TAF4: variants seen among roughly 807,000 people sequenced by gnomAD.
TAF4 encodes TATA-box binding protein associated factor 4, also known as transcription initiation factor TFIID subunit 4.
In TAF4, 9 loss-of-function variants were observed where a neutral mutation model predicts 90.3. The observed-to-expected ratio is 0.10, with a 90% CI of 0.06 to 0.17. The LOEUF is 0.17. Ranked by LOEUF, TAF4 falls within the 10% of genes least tolerant of loss-of-function variation. TAF4 has a pLI of 1.00. For missense variants in TAF4, 1,351 were observed against 1,370.7 expected, an observed-to-expected ratio of 0.99 and a Z score of 0.23; for synonymous variants, 818 against 638.9, an observed-to-expected ratio of 1.28 and a Z score of -4.23.
intron 14 of TAF4, among the ~76,000 whole-genome samples, chr20:61,995,265 C>T (rs2055656450): frequency 6.6e-6 from 1 of 152,156 alleles, no homozygotes; most frequent in Non-Finnish European, 1.5e-5. Flanking sequence ...TTGACAAAAA[C>T]CTTATAAAAC....
chr20:61,975,667 G>C lies in TAF4; in HGVS notation c.*501C>G, dbSNP rs2055489190. The C allele has an allele frequency of 6.5e-6, 1 of 153,134 alleles. No individual in the cohort carries two copies. The highest frequency in any genetic ancestry group is 1.4e-5 in the Non-Finnish European group (1 of 69,642). The allele number at this position is 153,134 out of a possible 1,614,324, so 9.5% of individuals were successfully genotyped here. A position where few individuals can be genotyped will look rare whatever the true frequency, so the allele number is the denominator to read the frequency against. On this transcript the variant is annotated 3_prime_UTR_variant, in exon 15 of 15. Coordinates refer to ENST00000252996, the MANE Select transcript of TAF4 (RefSeq NM_003185.4). The stretch of plus-strand genomic sequence containing the variant: ...GGGGAAGGGAGGGGAGGGGAGGGCA[G>C]GGGGCAGAGAGGAGAGCGGGGTGGG...
In TAF4 at chr20:62,048,944, C is replaced by A. The variant is rs181045920; in HGVS notation, c.1360+15507G>T. On this transcript the variant is annotated intron_variant, in intron 1 of 14. Coordinates refer to ENST00000252996, the MANE Select transcript of TAF4 (RefSeq NM_003185.4). ...CACCAAGCTCCATCGTCCCGCGGCC[C>A]TCTCCCTGCATGCCCACCTCGGTCA... Among the ~76,000 whole-genome samples, 63 of 148,852 alleles carry A rather than the reference C, an allele frequency of 4.2e-4. No individual in the cohort carries two copies. The East Asian group carries it at 0.013, about 30-fold the overall frequency.
Position 62,064,733 on chromosome 20 carries a change from T to G in TAF4, c.1078A>C (p.Thr360Pro). The G allele has an allele frequency of 8.3e-7, 1 of 1,201,464 alleles. No homozygotes were observed. Among genetic ancestry groups the G allele is most frequent in the Non-Finnish European group, 1.0e-6 (1 of 971,834 alleles). 74.4% of individuals were successfully genotyped at this position (1,201,464 alleles called of 1,614,324 possible). The change falls in exon 1 of 15, where the codon ACC becomes CCC. Residue 360 changes from threonine to proline, a missense_variant. This residue lies in a region of TAF4 where 782 missense variants were observed against 536.6 expected (regional missense o/e 1.46). Transcript: ENST00000252996. ...CTGGCCGGGCCGCTGGCCGCCAGGG[T>G]CTGCGCCGCCGGGGGCGCCGCCTGC... ...VVQAAPPAAQTLAASGPASTA... is the reference protein window; with the variant it reads ...VVQAAPPAAQPLAASGPASTA...
Position 62,006,575 on chromosome 20 carries a change from G to T in TAF4, c.2158C>A (p.Pro720Thr). 6.3e-7 allele frequency: 1 copy of T among 1,594,302 alleles called. No homozygotes were observed. ...GTGGGCTGCGTGAGGCTGAGCACAG[G>T]GGGCTGGAGGGCACTGGTCACGGTG... is the stretch of plus-strand genomic sequence containing the variant. The part of the protein sequence containing the change: ...AATVTSALQP[P>T]VLSLTQPTQV... Residue 720 changes from proline to threonine, a missense_variant, in exon 7 of 15, where the codon CCT (proline) becomes ACT (threonine). Pro to Thr is a conservative substitution (Grantham distance 38). Around this residue, in one of 9 missense-constraint regions of TAF4, gnomAD observed 202 missense variants for 229.7 expected, o/e 0.88. Coordinates refer to ENST00000252996, the MANE Select transcript of TAF4 (RefSeq NM_003185.4). This position sits in a 1 kb window ranked among gnomAD's most constrained non-coding sequence, Gnocchi z 7.0.
At chr20:62,020,679 A>T (rs1248656088) in intron 1 of TAF4, among the ~76,000 whole-genome samples, 3 of 152,200 alleles carry the variant, frequency 2.0e-5, no homozygotes, top group Non-Finnish European at 4.4e-5. Flanking sequence ...CCAGACACCA[A>T]AGCAGTGAAC....
intron 1 of TAF4, among the ~76,000 whole-genome samples, chr20:62,040,747 C>T (rs370692928): frequency 2.0e-4 from 31 of 152,340 alleles, no homozygotes; most frequent in African/African-American, 5.5e-4. Context: ...AAACTAAATT[C>T]GCAGAGCCGC....
Position 62,006,543 on chromosome 20 carries a change from G to T in TAF4, c.2190C>A (p.Val730=), listed in dbSNP as rs145691580. Residue 730 remains valine (V), a synonymous_variant, in exon 7 of 15, where the codon GTC becomes GTA. Transcript: ENST00000252996. This position sits in a 1 kb window ranked among gnomAD's most constrained non-coding sequence, Gnocchi z 7.0. Reference sequence around the variant, plus strand: ...TGGGTTGCCCCTGCTTGCCGACGCCGACCTGCGTGGGCTGCGTGAGGCTGA... The same window carrying T: ...TGGGTTGCCCCTGCTTGCCGACGCCTACCTGCGTGGGCTGCGTGAGGCTGA... ...PVLSLTQPTQ[V]GVGKQGQPTP... 6.4e-7 allele frequency: 1 copy of T among 1,558,740 alleles called. No homozygotes were observed. The highest frequency in any genetic ancestry group is 8.7e-7 in the Non-Finnish European group (1 of 1,153,952).
At chr20:61,991,947 T>C (rs1568924436) in intron 14 of TAF4, among the ~76,000 whole-genome samples, 1 of 151,844 alleles carries the variant, frequency 6.6e-6, no homozygotes, top group Non-Finnish European at 1.5e-5. Context: ...ACAGTAACAC[T>C]TTAGGGAGGA....
chr20:62,032,008 C>T (rs1283006385), intron 1 of TAF4, among the ~76,000 whole-genome samples: 2 of 152,208 alleles, frequency 1.3e-5, no homozygotes, highest in East Asian at 3.8e-4. Flanking sequence ...AGAGCTCCCC[C>T]GCAGCACTGT....
intron 1 of TAF4, 141 bp from the exon 2 acceptor site, chr20:62,014,848 C>G (rs2123151518): frequency 8.7e-7 from 1 of 1,144,542 alleles, no homozygotes; most frequent in Non-Finnish European, 1.2e-6. Context: ...CCCCCAAACT[C>G]AAAACACACT....
intron 1 of TAF4, among the ~76,000 whole-genome samples, chr20:62,055,694 GT>G (rs2056059577): frequency 6.6e-6 from 1 of 152,218 alleles, no homozygotes; most frequent in East Asian, 1.9e-4. Flanking sequence ...CCAGCTGCAT[GT>G]GGCTGACCCC....
chr20:62,027,994 C>T (rs573935731), intron 1 of TAF4, among the ~76,000 whole-genome samples: 5 of 152,356 alleles, frequency 3.3e-5, no homozygotes, highest in African/African-American at 1.2e-4. Flanking sequence ...TTCTGAATTG[C>T]ATTTTCCAGG....
At chr20:62,047,863 G>A (rs894415625) in intron 1 of TAF4, among the ~76,000 whole-genome samples, 1 of 152,188 alleles carries the variant, frequency 6.6e-6, no homozygotes, top group Non-Finnish European at 1.5e-5. Context: ...CATGGAAGCC[G>A]CAGGTCTATT....
At chr20:62,038,133 A>G (rs1050114140) in intron 1 of TAF4, among the ~76,000 whole-genome samples, 10 of 151,688 alleles carry the variant, frequency 6.6e-5, no homozygotes, top group Non-Finnish European at 1.5e-4. Flanking sequence ...GGTTCATGCC[A>G]TTCTCCTGCC....
intron 12 of TAF4, among the ~76,000 whole-genome samples, chr20:61,998,649 C>T (rs991013976): frequency 5.3e-5 from 8 of 152,198 alleles, no homozygotes; most frequent in Non-Finnish European, 1.2e-4. Context: ...CCTCGCCTGG[C>T]TGTGAATGTT....
rs566030465 is a variant in TAF4 at position 62,006,815 on chromosome 20, T to C, written c.1975-57A>G. 2.8e-6 allele frequency: 4 copies of C among 1,412,538 alleles called. No individual in the cohort carries two copies. Among genetic ancestry groups the C allele is most frequent in the African/African-American group, 1.5e-5 (1 of 67,808 alleles). 87.5% of individuals were successfully genotyped at this position (1,412,538 alleles called of 1,614,324 possible). On this transcript the variant is annotated intron_variant, in intron 6 of 14. Transcript: ENST00000252996. The surrounding 1 kb of genome is among the most constrained non-coding windows in gnomAD (Gnocchi z 7.0). ...CGGCTGCTCATGCGTCGGTTTTCCT[T>C]GCTTAAAAATTCAGAAATATCAACT...
At chr20:62,033,795 C>A (rs976333343) in intron 1 of TAF4, among the ~76,000 whole-genome samples, 7 of 151,218 alleles carry the variant, frequency 4.6e-5, no homozygotes, top group African/African-American at 1.2e-4. Flanking sequence ...GTCATCTCAG[C>A]ACTTTGGAAG....
intron 14 of TAF4, 147 bp downstream of exon 14, chr20:61,997,403 G>A (rs563111452): frequency 5.6e-6 from 6 of 1,078,614 alleles, no homozygotes; most frequent in Non-Finnish European, 7.3e-6. Context: ...AATGTCAAAC[G>A]TAAAACAAAT....
intron 14 of TAF4, among the ~76,000 whole-genome samples, chr20:61,982,756 G>A (rs932248482): frequency 1.5e-4 from 22 of 151,438 alleles, no homozygotes; most frequent in Non-Finnish European, 2.9e-5. Context: ...CCCAGTGGGC[G>A]GCGGGACTCT....
Sources: gnomAD v4.1 joint callset for allele counts (sites outside exome capture counted in the v4.1 genomes callset) on GRCh38, gnomAD v4.1.1 for gene constraint, gnomAD v4.1.1 regional missense constraint, Gnocchi (gnomAD v3.1) non-coding constraint, MANE v1.5 for transcripts, NCBI Gene and HGNC (gene_info 2026-07-23, HGNC 2026-07-21) for gene names.